PSMD2: variants seen among roughly 807,000 people sequenced by gnomAD.
PSMD2 encodes proteasome 26S subunit ubiquitin receptor, non-ATPase 2, also known as 26S proteasome non-ATPase regulatory subunit 2.
PSMD2 carries 8 observed loss-of-function variants against 101.5 expected under a neutral mutation model. The observed-to-expected ratio is 0.08, with a 90% confidence interval of 0.05 to 0.14. The LOEUF (loss-of-function observed/expected upper bound fraction) is 0.14, where lower values mean the gene tolerates loss of function less well. Ranked by LOEUF, PSMD2 falls within the 10% of genes least tolerant of loss-of-function variation. The pLI, the probability that PSMD2 is intolerant of heterozygous loss-of-function variation, is 1.00. For missense variants in PSMD2, 784 were observed against 1,147.4 expected (o/e 0.68, Z 4.58); for synonymous variants, 418 against 433.8 (o/e 0.96, Z 0.45).
chr3:184,303,939 C>A lies in PSMD2; in HGVS notation c.1324-8C>A. On this transcript the variant is annotated splice_region_variant and splice_polypyrimidine_tract_variant and intron_variant, in intron 10 of 20. Coordinates refer to ENST00000310118, the MANE Select transcript of PSMD2 (RefSeq NM_002808.5). ...ATCCTGAGTGAAGAATCTGTTTGCTCTTTGTAGTCAGGAGCTCTTCTTGCC... is the reference window on the plus strand; with the variant it reads ...ATCCTGAGTGAAGAATCTGTTTGCTATTTGTAGTCAGGAGCTCTTCTTGCC... The A allele has an allele frequency of 6.2e-7, 1 of 1,614,230 alleles. No individual in the cohort carries two copies. The highest frequency in any genetic ancestry group is 2.2e-5 in the East Asian group (1 of 44,886).
At chr3:184,306,566 G>C (rs1721839144) in intron 15 of PSMD2, 71 bp downstream of exon 15, 4 of 1,564,152 alleles carry the variant, frequency 2.6e-6, no homozygotes, top group East Asian at 4.5e-5. Context: ...GGCTGGGTTT[G>C]GTTTTTGCTT....
Position 184,302,763 on chromosome 3 carries a change from C to T in PSMD2, c.948C>T (p.Asp316=), listed in dbSNP as rs748784475. ...GTGAAGATGTCGAGGAGTATGAGGACCTGACAGAGATCATGTCCAATGTAC... is the reference window on the plus strand; with the variant it reads ...GTGAAGATGTCGAGGAGTATGAGGATCTGACAGAGATCATGTCCAATGTAC... ...ELSEDVEEYE[D]LTEIMSNVQL... The change falls in exon 7 of 21, where the codon GAC becomes GAT. Residue 316 remains aspartate, a synonymous_variant. Coordinates refer to ENST00000310118, the MANE Select transcript of PSMD2 (RefSeq NM_002808.5). 1 of 1,614,140 alleles carries T rather than the reference C, an allele frequency of 6.2e-7. No homozygotes were observed. Among genetic ancestry groups the T allele is most frequent in the Non-Finnish European group, 8.5e-7 (1 of 1,180,040 alleles).
At position 184,299,926 on chromosome 3, in the gene PSMD2, A is replaced by G. The variant is rs767378636; in HGVS notation, c.192+19A>G. On this transcript the variant is annotated intron_variant, in intron 2 of 20. Transcript: ENST00000310118. ...ACTAGGGGTGAGTCACGATGTTAAC[A>G]TGATTCGGTGCATGTTTGGATCTTT... 1.3e-5 allele frequency: 21 copies of G among 1,608,414 alleles called. No individual in the cohort carries two copies. The highest frequency in any genetic ancestry group is 1.8e-5 in the Non-Finnish European group (21 of 1,174,946).
chr3:184,308,976 C>G lies in PSMD2; in HGVS notation c.*86C>G, dbSNP rs1049459. 1 of 1,393,052 alleles carries G rather than the reference C, an allele frequency of 7.2e-7. No homozygotes were observed. Among genetic ancestry groups the G allele is most frequent in the Admixed American group, 2.1e-5 (1 of 47,172 alleles). 86.3% of individuals were successfully genotyped at this position (1,393,052 alleles called of 1,614,324 possible). A position where few individuals can be genotyped will look rare whatever the true frequency, so the allele number is the denominator to read the frequency against. ...CAAGGGTGGACACGGCTGCAGACTT[C>G]TGGGGGAATTGTCGCCTCCTGCTCT... On this transcript the variant is annotated 3_prime_UTR_variant, in exon 21 of 21. Coordinates refer to ENST00000310118, the MANE Select transcript of PSMD2 (RefSeq NM_002808.5). The surrounding 1 kb of genome is among the most constrained non-coding windows in gnomAD (Gnocchi z 6.0).
In PSMD2 at chr3:184,304,508, C is replaced by T; in HGVS notation, c.1539+117C>T. On this transcript the variant is annotated intron_variant, in intron 12 of 20. Transcript: ENST00000310118. The surrounding 1 kb of genome is among the most constrained non-coding windows in gnomAD (Gnocchi z 4.1). Reference sequence around the variant, plus strand: ...TGCATGTGTGCATACATGTACATGCCTGTTGGTGTGTATTGAGGGGCGTCA... The same window carrying T: ...TGCATGTGTGCATACATGTACATGCTTGTTGGTGTGTATTGAGGGGCGTCA... 1.9e-6 allele frequency: 2 copies of T among 1,044,434 alleles called. No homozygotes were observed. The highest frequency in any genetic ancestry group is 3.1e-5 in the African/African-American group (2 of 64,138). The allele number at this position is 1,044,434 out of a possible 1,614,324, so 64.7% of individuals were successfully genotyped here.
rs553023514 is a variant in PSMD2, at chr3:184,308,812, C to T, written c.2649C>T (p.Ala883=). The T allele has an allele frequency of 1.1e-4, 181 of 1,613,524 alleles. No homozygotes were observed. The highest frequency in any genetic ancestry group is 1.4e-4 in the Non-Finnish European group (164 of 1,180,032). The stretch of plus-strand genomic sequence containing the variant: ...CCCACGGGGAACGGGCAGAATTGGC[C>T]ACTGAGGAGTTTCTTCCTGTTACCC... ...LLAHGERAEL[A]TEEFLPVTPI... is the part of the protein sequence containing the mutation. Residue 883 remains alanine, a synonymous_variant, in exon 21 of 21, where the codon GCC becomes GCT. Transcript: ENST00000310118. This position sits in a 1 kb window ranked among gnomAD's most constrained non-coding sequence, Gnocchi z 6.0.
intron 14 of PSMD2, 78 bp from the exon 15 acceptor site, chr3:184,306,272 T>C (rs1459850937): frequency 1.2e-5 from 19 of 1,593,578 alleles, no homozygotes; most frequent in Non-Finnish European, 1.5e-5. Context: ...CTAGATTCTT[T>C]AGACTTCTCC....
Position 184,302,228 on chromosome 3 carries a change from T to C in PSMD2, c.705-142T>C, listed in dbSNP as rs80300694. ...GTGAGTTTCTTGAGGACAGAGACTTTGTGTCTTCTTAGTAGTTCTAACATC... is the reference window on the plus strand; with the variant it reads ...GTGAGTTTCTTGAGGACAGAGACTTCGTGTCTTCTTAGTAGTTCTAACATC... On this transcript the variant is annotated intron_variant, in intron 5 of 20. Coordinates refer to ENST00000310118, the MANE Select transcript of PSMD2 (RefSeq NM_002808.5). 4.3e-4 allele frequency: 501 copies of C among 1,160,372 alleles called. 3 individuals are homozygous for C. The African/African-American group carries it at 7.2e-3, about 17-fold the overall frequency. 71.9% of individuals were successfully genotyped at this position (1,160,372 alleles called of 1,614,324 possible).
Position 184,300,395 on chromosome 3 carries a change from A to G in PSMD2, c.308A>G (p.Tyr103Cys), listed in dbSNP as rs1408932877. ...PKPLKFLRPHYGKLKEIYENM... is the reference protein window; with the variant it reads ...PKPLKFLRPHCGKLKEIYENM... ...CCTCTCAAATTTCTGCGTCCACACT[A>G]TGGCAAACTGAAGGAAATCTATGAG... Residue 103 changes from tyrosine (Y) to cysteine (C), a missense_variant, in exon 3 of 21, where the codon TAT (tyrosine) becomes TGT (cysteine). Physicochemically the swap from Tyr to Cys is radical, Grantham distance 194. Transcript: ENST00000310118. 6.2e-7 allele frequency: 1 copy of G among 1,614,090 alleles called. No homozygotes were observed. The highest frequency in any genetic ancestry group is 1.1e-5 in the South Asian group (1 of 91,076).
At chr3:184,305,357 C>A (rs1352594067) in intron 12 of PSMD2, among the ~76,000 whole-genome samples, 1 of 152,020 alleles carries the variant, frequency 6.6e-6, no homozygotes, top group African/African-American at 2.4e-5. Context: ...GGCGTGGTGG[C>A]GCGCACCTAT....
At chr3:184,305,271 A>T (rs1222771368) in intron 12 of PSMD2, among the ~76,000 whole-genome samples, 2 of 152,182 alleles carry the variant, frequency 1.3e-5, no homozygotes, top group Non-Finnish European at 1.5e-5. Flanking sequence ...TGGGTGGATC[A>T]TAAGGTCAAG....
Position 184,304,475 on chromosome 3 carries a change from T to A in PSMD2, c.1539+84T>A. 1 of 1,411,848 alleles carries A rather than the reference T, an allele frequency of 7.1e-7. No individual in the cohort carries two copies. The highest frequency in any genetic ancestry group is 1.0e-6 in the Non-Finnish European group (1 of 998,920). 87.5% of individuals were successfully genotyped at this position (1,411,848 alleles called of 1,614,324 possible). On this transcript the variant is annotated intron_variant, in intron 12 of 20. Transcript: ENST00000310118. The surrounding 1 kb of genome is among the most constrained non-coding windows in gnomAD (Gnocchi z 4.1). ...TCTGTGATAAATAATGAAAAAGAAG[T>A]AAGTGTGTGCATGTGTGCATACATG...
At chr3:184,307,817 T>A in intron 18 of PSMD2, 73 bp from the exon 19 acceptor site, 1 of 1,608,590 alleles carries the variant, frequency 6.2e-7, no homozygotes, top group Middle Eastern at 1.7e-4. Flanking sequence ...AGTGGGAGAT[T>A]TCTGTTTGGC....
At chr3:184,300,482 G>A in intron 3 of PSMD2, 38 bp downstream of exon 3, 1 of 1,599,592 alleles carries the variant, frequency 6.3e-7, no homozygotes. Context: ...CCTAGTTTAG[G>A]AATTCCTTTT....
chr3:184,307,872 T>A lies in PSMD2; in HGVS notation c.2299-18T>A. ...TCAGTGGTAACTCCTCACCTCTACT[T>A]CCCTCTGTTTTTTTCAGGGCCTGAC... On this transcript the variant is annotated intron_variant, in intron 18 of 20. Coordinates refer to ENST00000310118, the MANE Select transcript of PSMD2 (RefSeq NM_002808.5). 6.2e-7 allele frequency: 1 copy of A among 1,613,928 alleles called. No homozygotes were observed. Among genetic ancestry groups the A allele is most frequent in the South Asian group, 1.1e-5 (1 of 91,062 alleles).
chr3:184,303,550 G>A, intron 9 of PSMD2, 84 bp downstream of exon 9: 1 of 1,605,248 alleles, frequency 6.2e-7, no homozygotes, highest in Non-Finnish European at 8.5e-7. Flanking sequence ...TCTGACAAGG[G>A]ATCCACCATG....
In PSMD2 at chr3:184,306,446, A is replaced by G; in HGVS notation, c.1901A>G (p.Lys634Arg). ...EKEEDKDKKE[K>R]KDKDKKEAPA... is the part of the protein sequence containing the mutation. ...GAGGAAGACAAAGACAAGAAGGAAA[A>G]GAAAGACAAGGACAAGAAGGAAGCC... The change falls in exon 15 of 21, where the codon AAG becomes AGG. Residue 634 changes from lysine to arginine, a missense_variant. By Grantham distance (26) the Lys-to-Arg change is conservative. Around this residue, in one of 6 missense-constraint regions of PSMD2, gnomAD observed 282 missense variants for 437.6 expected, o/e 0.64. Transcript: ENST00000310118. 6.2e-7 allele frequency: 1 copy of G among 1,614,218 alleles called. No homozygotes were observed. Among genetic ancestry groups the G allele is most frequent in the African/African-American group, 1.3e-5 (1 of 75,058 alleles).
chr3:184,299,956 C>T (rs768899805), intron 2 of PSMD2, 49 bp downstream of exon 2: 2 of 1,555,594 alleles, frequency 1.3e-6, no homozygotes, highest in South Asian at 2.2e-5. Context: ...ATCTTTCCCA[C>T]TTGTTTTATT....
chr3:184,302,845 C>T, intron 7 of PSMD2, 22 bp downstream of exon 7: 1 of 1,613,908 alleles, frequency 6.2e-7, no homozygotes, highest in Non-Finnish European at 8.5e-7. Flanking sequence ...CTTTTTTCAT[C>T]AAGGCCTTTT....
Sources: gnomAD v4.1 joint callset for allele counts (sites outside exome capture counted in the v4.1 genomes callset) on GRCh38, gnomAD v4.1.1 for gene constraint, gnomAD v4.1.1 regional missense constraint, Gnocchi (gnomAD v3.1) non-coding constraint, MANE v1.5 for transcripts, NCBI Gene and HGNC (gene_info 2026-07-23, HGNC 2026-07-21) for gene names.